Variants in SLC12A3 observed in about 807,000 individuals in gnomAD.
SLC12A3 encodes the protein solute carrier family 12 member 3.
Under a neutral mutation model 121.0 loss-of-function variants are expected in SLC12A3, and 104 were observed. The ratio of observed to expected loss-of-function variants is 0.86; its 90% CI spans 0.73 to 1.01. The LOEUF is 1.01. SLC12A3 is among the 50% of genes least tolerant of loss of function. SLC12A3 has a pLI of 0.00. For missense variants in SLC12A3, 1,328 were observed against 1,356.3 expected (o/e 0.98, Z 0.33); for synonymous variants, 536 against 533.4 (o/e 1.00, Z -0.07).
chr16:56,893,917 A>G (rs1255480708), intron 21 of SLC12A3, among the ~76,000 whole-genome samples: 2 of 151,868 alleles, frequency 1.3e-5, no homozygotes, highest in African/African-American at 4.8e-5. Context: ...AGCTGGGACT[A>G]CAGGCGGCTG....
At chr16:56,902,146 G>A in intron 23 of SLC12A3, 2 of 579,870 alleles carry the variant, frequency 3.4e-6, no homozygotes, top group South Asian at 1.9e-5. Context: ...GGTCGGGTGG[G>A]TCACAGGTCA....
chr16:56,878,506 A>G (rs1253748640), intron 9 of SLC12A3, among the ~76,000 whole-genome samples: 1 of 151,922 alleles, frequency 6.6e-6, no homozygotes, highest in Admixed American at 6.6e-5. Flanking sequence ...CCAGTAACTG[A>G]CTTCCCATGT....
rs1211714277 is a variant in SLC12A3, at chr16:56,915,138, T to C, written c.*1733T>C. The C allele has an allele frequency of 6.6e-6, 1 of 152,074 alleles. No homozygotes were observed. Among genetic ancestry groups the C allele is most frequent in the East Asian group, 1.9e-4 (1 of 5,184 alleles). The allele number at this position is 152,074 out of a possible 1,614,324, so 9.4% of individuals were successfully genotyped here. A position where few individuals can be genotyped will look rare whatever the true frequency, so the allele number is the denominator to read the frequency against. ...GCCAGTGGGTGAGGCCAAGTGAGGG[T>C]ATTTGCAGCTCTAGACATAACCAAG... On this transcript the variant is annotated 3_prime_UTR_variant, in exon 26 of 26. Coordinates refer to ENST00000563236, the MANE Select transcript of SLC12A3 (RefSeq NM_001126108.2).
intron 13 of SLC12A3, among the ~76,000 whole-genome samples, chr16:56,882,771 T>C (rs577135175): frequency 1.3e-5 from 2 of 152,090 alleles, no homozygotes; most frequent in South Asian, 4.2e-4. Flanking sequence ...GGTGAAACCC[T>C]GTCTCTACAA....
At chr16:56,868,992 AAAAGAAAG>A (rs1964427238) in intron 3 of SLC12A3, among the ~76,000 whole-genome samples, 1 of 151,994 alleles carries the variant, frequency 6.6e-6, no homozygotes. Flanking sequence ...TAAAAAATAA[AAAAGAAAG>A]CTGCATTCTG....
intron 17 of SLC12A3, among the ~76,000 whole-genome samples, 198 bp downstream of exon 17, chr16:56,887,291 G>A (rs998485889): frequency 2.0e-5 from 3 of 151,852 alleles, no homozygotes; most frequent in Non-Finnish European, 2.9e-5. Context: ...AATAACCTCC[G>A]CCTCCCGGGT....
At chr16:56,890,592 G>T (rs1339763079) in intron 19 of SLC12A3, among the ~76,000 whole-genome samples, 1 of 152,082 alleles carries the variant, frequency 6.6e-6, no homozygotes, top group Non-Finnish European at 1.5e-5. Context: ...ATCACAATTG[G>T]GTCGGGGCAA....
At position 56,872,799 on chromosome 16, in the gene SLC12A3, C is replaced by G; in HGVS notation, c.1095+13C>G. ...TGGTGACCTCAAGGTGAGCAGAATA[C>G]TTGCCCCTCCTGTGTCCTGGCACTG... On this transcript the variant is annotated intron_variant, in intron 8 of 25. Coordinates refer to ENST00000563236, the MANE Select transcript of SLC12A3 (RefSeq NM_001126108.2). 1 of 1,614,080 alleles carries G rather than the reference C, an allele frequency of 6.2e-7. No homozygotes were observed. Among genetic ancestry groups the G allele is most frequent in the Middle Eastern group, 1.6e-4 (1 of 6,062 alleles).
chr16:56,881,505 T>C (rs1233185379), intron 12 of SLC12A3, among the ~76,000 whole-genome samples: 1 of 151,774 alleles, frequency 6.6e-6, no homozygotes, highest in Non-Finnish European at 1.5e-5. Context: ...CCGGGCAGGG[T>C]TCTTAGGTGA....
At chr16:56,902,112 A>C in intron 23 of SLC12A3, 1 of 509,468 alleles carries the variant, frequency 2.0e-6, no homozygotes, top group South Asian at 2.0e-5. Context: ...GTACAGAATC[A>C]TGCTCTGTAA....
chr16:56,884,239 C>A (rs777444428), intron 14 of SLC12A3, 35 bp downstream of exon 14: 24 of 1,611,156 alleles, frequency 1.5e-5, no homozygotes, highest in South Asian at 9.9e-5. Flanking sequence ...CGGCCCTCCT[C>A]CCCCAGGGTA....
chr16:56,877,615 CCAA>C (rs2055179431), intron 8 of SLC12A3, among the ~76,000 whole-genome samples: 2 of 152,060 alleles, frequency 1.3e-5, no homozygotes, highest in Non-Finnish European at 2.9e-5. Flanking sequence ...ATTTATTTCA[CCAA>C]CATCCCTGAC....
At chr16:56,893,153 G>T in intron 21 of SLC12A3, 99 bp downstream of exon 21, 1 of 965,570 alleles carries the variant, frequency 1.0e-6, no homozygotes, top group Non-Finnish European at 1.6e-6. Flanking sequence ...AAGGGGACAG[G>T]GGCTCCTGGG....
intron 23 of SLC12A3, among the ~76,000 whole-genome samples, chr16:56,901,513 T>A (rs2055538685): frequency 6.6e-6 from 1 of 152,136 alleles, no homozygotes; most frequent in African/African-American, 2.4e-5. Flanking sequence ...CTAATTTTTG[T>A]ATTTTTAGTA....
In SLC12A3 at chr16:56,894,603, T is replaced by C. The variant is rs746759880; in HGVS notation, c.2594T>C (p.Val865Ala). 2.5e-6 allele frequency: 4 copies of C among 1,614,022 alleles called. No individual in the cohort carries two copies. The Admixed American group carries it at 5.0e-5, about 20-fold the overall frequency. The change falls in exon 22 of 26, where the codon GTA becomes GCA. Residue 865 changes from valine (V) to alanine (A), a missense_variant. Val to Ala is a moderately conservative substitution (Grantham distance 64). Transcript: ENST00000563236. ...RWSKCKIRVF[V>A]GGQINRMDQE... ...AGCAAATGCAAGATCCGTGTGTTCG[T>C]AGGCGGCCAGATTAACAGGATGGAC...
intron 2 of SLC12A3, among the ~76,000 whole-genome samples, chr16:56,867,552 T>A (rs1319009404): frequency 6.6e-6 from 1 of 152,220 alleles, no homozygotes; most frequent in Admixed American, 6.5e-5. Context: ...GACACTTGGC[T>A]TTGGAGACAT....
chr16:56,868,340 G>A lies in SLC12A3; in HGVS notation c.473G>A (p.Arg158Gln), dbSNP rs1274973729. The stretch of plus-strand genomic sequence containing the variant: ...ATTTGGGGCGTGATCCTCTACCTGC[G>A]GCTGCCCTGGATTACGGCCCAGGCA... ...LNIWGVILYL[R>Q]LPWITAQAGI... Residue 158 changes from arginine to glutamine, a missense_variant, in exon 3 of 26, where the codon CGG (arginine) becomes CAG (glutamine). Arg to Gln is a conservative substitution (Grantham distance 43). Coordinates refer to ENST00000563236, the MANE Select transcript of SLC12A3 (RefSeq NM_001126108.2). 18 of 1,613,742 alleles carry A rather than the reference G, an allele frequency of 1.1e-5. No individual in the cohort carries two copies. The highest frequency in any genetic ancestry group is 1.6e-4 in the Middle Eastern group (1 of 6,084).
chr16:56,868,354 A>G lies in SLC12A3; in HGVS notation c.487A>G (p.Thr163Ala). ...CCTCTACCTGCGGCTGCCCTGGATT[A>G]CGGCCCAGGCAGGCATCGGTGAGTG... ...VILYLRLPWI[T>A]AQAGIVLTWI... The change falls in exon 3 of 26, where the codon ACG (threonine) becomes GCG (alanine). Residue 163 changes from threonine to alanine, a missense_variant. Thr to Ala is a moderately conservative substitution (Grantham distance 58). Coordinates refer to ENST00000563236, the MANE Select transcript of SLC12A3 (RefSeq NM_001126108.2). The G allele has an allele frequency of 6.2e-7, 1 of 1,613,518 alleles. No homozygotes were observed. Among genetic ancestry groups the G allele is most frequent in the Non-Finnish European group, 8.5e-7 (1 of 1,179,818 alleles).
At chr16:56,877,113 C>T (rs531137551) in intron 8 of SLC12A3, among the ~76,000 whole-genome samples, 5 of 152,296 alleles carry the variant, frequency 3.3e-5, no homozygotes, top group South Asian at 4.1e-4. Context: ...TACGAGCGGC[C>T]GGGCGCGGGG....
Sources: gnomAD v4.1 joint callset for allele counts (sites outside exome capture counted in the v4.1 genomes callset) on GRCh38, gnomAD v4.1.1 for gene constraint, MANE v1.5 for transcripts, NCBI Gene and HGNC (gene_info 2026-07-23, HGNC 2026-07-21) for gene names.